The following PITX1 variants were observed in gnomAD, a reference collection of about 807,000 sequenced individuals.
PITX1 encodes paired like homeodomain 1.
In PITX1, 5 loss-of-function variants were observed where a neutral mutation model predicts 24.1. The ratio of observed to expected loss-of-function variants is 0.21; its 90% CI spans 0.11 to 0.44. The LOEUF is 0.44. Among genes scored for constraint, PITX1 ranks in the 20% least tolerant of loss-of-function variants. PITX1 has a pLI of 0.99. For missense variants in PITX1, 401 were observed against 455.4 expected, an observed-to-expected ratio of 0.88 and a Z score of 1.09; for synonymous variants, 213 against 208.9, an observed-to-expected ratio of 1.02 and a Z score of -0.17.
chr5:135,033,683 T>C lies in PITX1; in HGVS notation c.169+30A>G. 6.3e-7 allele frequency: 1 copy of C among 1,590,920 alleles called. No homozygotes were observed. Among genetic ancestry groups the C allele is most frequent in the Non-Finnish European group, 8.5e-7 (1 of 1,175,676 alleles). On this transcript the variant is annotated intron_variant, in intron 1 of 2. Transcript: ENST00000265340. The surrounding 1 kb of genome is among the most constrained non-coding windows in gnomAD (Gnocchi z 5.9). ...CCGTGCTCCGCGCCCGGGTAGGCTC[T>C]GTGCGCGCCGCGCGGGGAACGGCGC... is the stretch of plus-strand genomic sequence containing the variant.
At position 135,033,695 on chromosome 5, in the gene PITX1, G is replaced by C. The variant is rs570928703; in HGVS notation, c.169+18C>G. 2.4e-5 allele frequency: 38 copies of C among 1,593,462 alleles called. No individual in the cohort carries two copies. The highest frequency in any genetic ancestry group is 2.2e-4 in the East Asian group (10 of 44,486). ...CCCGGGTAGGCTCTGTGCGCGCCGC[G>C]CGGGGAACGGCGCTTACCTGGCAGC... On this transcript the variant is annotated intron_variant, in intron 1 of 2. Coordinates refer to ENST00000265340, the MANE Select transcript of PITX1 (RefSeq NM_002653.5). The surrounding 1 kb of genome is among the most constrained non-coding windows in gnomAD (Gnocchi z 5.9).
intron 1 of PITX1, among the ~76,000 whole-genome samples, chr5:135,032,282 C>T (rs897175969): frequency 1.3e-5 from 2 of 152,200 alleles, no homozygotes; most frequent in East Asian, 3.8e-4. Context: ...AGCCAGAAAG[C>T]TCCGTACAAA....
chr5:135,029,519 G>C (rs1437949172), intron 2 of PITX1, among the ~76,000 whole-genome samples, 198 bp from the exon 3 acceptor site: 1 of 152,134 alleles, frequency 6.6e-6, no homozygotes, highest in Non-Finnish European at 1.5e-5. Context: ...TTCTTTTTCC[G>C]ATCTTTATCC....
rs2149562570 is a variant in PITX1, at chr5:135,033,465, A to C, written c.169+248T>G. The C allele has an allele frequency of 1.8e-6, 1 of 549,294 alleles. No individual in the cohort carries two copies. Among genetic ancestry groups the C allele is most frequent in the South Asian group, 2.1e-5 (1 of 47,334 alleles). The allele number at this position is 549,294 out of a possible 1,614,324, so 34.0% of individuals were successfully genotyped here. ...CTGATCAAGAGGGGCTGTCAGTCCA[A>C]CCCTCCAGCTGTAGGCTCGTGCATC... On this transcript the variant is annotated intron_variant, in intron 1 of 2. Transcript: ENST00000265340. The surrounding 1 kb of genome is among the most constrained non-coding windows in gnomAD (Gnocchi z 5.9).
chr5:135,031,594 G>T, intron 1 of PITX1, 86 bp from the exon 2 acceptor site: 1 of 1,117,266 alleles, frequency 9.0e-7, no homozygotes. Flanking sequence ...CTCGCCACCA[G>T]CGCTGGCGGT....
In PITX1 at chr5:135,033,763, C is replaced by T. The variant is rs772499567; in HGVS notation, c.119G>A (p.Arg40His). The T allele has an allele frequency of 1.9e-6, 3 of 1,589,686 alleles. No individual in the cohort carries two copies. In the African/African-American group the frequency reaches 4.1e-5, roughly 22 times the overall value. Residue 40 changes from arginine to histidine, a missense_variant, in exon 1 of 3, where the codon CGC becomes CAC. Physicochemically the swap from Arg to His is conservative, Grantham distance 29. Around this residue, in one of 3 missense-constraint regions of PITX1, gnomAD observed 136 missense variants for 133.3 expected, o/e 1.02. Coordinates refer to ENST00000265340, the MANE Select transcript of PITX1 (RefSeq NM_002653.5). The surrounding 1 kb of genome is among the most constrained non-coding windows in gnomAD (Gnocchi z 5.9). ...AFHLARPADP[R>H]EPLENSASES... is the part of the protein sequence containing the mutation. ...GCTGGCGGAGTTCTCGAGCGGCTCG[C>T]GGGGGTCGGCGGGCCGGGCCAGGTG...
chr5:135,030,580 G>A (rs1010597670), intron 2 of PITX1, among the ~76,000 whole-genome samples: 4 of 152,194 alleles, frequency 2.6e-5, no homozygotes, highest in African/African-American at 7.2e-5. Context: ...GAAACCAAAC[G>A]GGTGAGAAGA....
In PITX1 at chr5:135,028,353, A is replaced by G. The variant is rs1296667250; in HGVS notation, c.*426T>C. ...CCGCAGGCCCGGCCACTCAGTCCGGATCCAGCGCGGCGGGGACGCGGGATA... is the reference window on the plus strand; with the variant it reads ...CCGCAGGCCCGGCCACTCAGTCCGGGTCCAGCGCGGCGGGGACGCGGGATA... On this transcript the variant is annotated 3_prime_UTR_variant, in exon 3 of 3. Transcript: ENST00000265340. The G allele has an allele frequency of 6.5e-6, 1 of 153,044 alleles. No homozygotes were observed. The highest frequency in any genetic ancestry group is 2.4e-5 in the African/African-American group (1 of 41,418). The allele number at this position is 153,044 out of a possible 1,614,324, so 9.5% of individuals were successfully genotyped here.
intron 2 of PITX1, among the ~76,000 whole-genome samples, chr5:135,030,267 C>CA (rs1218057225): frequency 2.6e-5 from 4 of 152,190 alleles, no homozygotes; most frequent in African/African-American, 4.8e-5. Context: ...CCCTGCTTCT[C>CA]AGCTTTCCCT....
intron 1 of PITX1, chr5:135,032,720 AAACC>A (rs781188695): frequency 1.0e-4 from 22 of 218,982 alleles, no homozygotes; most frequent in Middle Eastern, 7.8e-4. Flanking sequence ...TTTAAAAATA[AAACC>A]AACCAAAGAC....
intron 1 of PITX1, 56 bp from the exon 2 acceptor site, chr5:135,031,564 G>T: frequency 7.0e-7 from 1 of 1,431,594 alleles, no homozygotes; most frequent in Non-Finnish European, 9.6e-7. Flanking sequence ...GTTGCACCCC[G>T]TCCCGGCTCC....
At position 135,028,549 on chromosome 5, in the gene PITX1, CTTTTT is replaced by C. The variant is rs70976562; in HGVS notation, c.*225_*229del. On this transcript the variant is annotated 3_prime_UTR_variant, in exon 3 of 3. Transcript: ENST00000265340. ...GGCACTTTTCTCCGACGTCTTTTTG[CTTTTT>C]TTTTTTTTTTTTTTTTTTTGTCTTT... 6.6e-4 allele frequency: 50 copies of C among 76,296 alleles called. No individual in the cohort carries two copies. Among genetic ancestry groups the C allele is most frequent in the African/African-American group, 1.8e-3 (32 of 18,160 alleles). 4.7% of individuals were successfully genotyped at this position (76,296 alleles called of 1,614,324 possible).
At chr5:135,034,476 C>A (rs1202427654), upstream of PITX1, 1 of 152,452 alleles carries the variant, frequency 6.6e-6, no homozygotes, top group Non-Finnish European at 1.5e-5. Context: ...CTCGCCGCGC[C>A]TCTCCCTCCT....
At position 135,028,549 on chromosome 5, in the gene PITX1, CTTTT is replaced by C. The variant is rs70976562; in HGVS notation, c.*226_*229del. The C allele has an allele frequency of 1.3e-3, 98 of 76,286 alleles. 1 individual carries two copies. The highest frequency in any genetic ancestry group is 0.014 in the Middle Eastern group (1 of 70). The allele number at this position is 76,286 out of a possible 1,614,324, so 4.7% of individuals were successfully genotyped here. ...GGCACTTTTCTCCGACGTCTTTTTG[CTTTT>C]TTTTTTTTTTTTTTTTTTTTGTCTT... On this transcript the variant is annotated 3_prime_UTR_variant, in exon 3 of 3. Transcript: ENST00000265340.
rs745731947 is a variant in PITX1 at position 135,031,368 on chromosome 5, G to A, written c.310C>T (p.Leu104=). ...CGGTTCCTCTGGAACGTGGCCTCTAGCTCTTGCAACTGCTGGCTTGTGAAG... is the reference window on the plus strand; with the variant it reads ...CGGTTCCTCTGGAACGTGGCCTCTAACTCTTGCAACTGCTGGCTTGTGAAG... ...THFTSQQLQE[L]EATFQRNRYP... The change falls in exon 2 of 3, where the codon CTA becomes TTA. Residue 104 remains leucine, a synonymous_variant. Transcript: ENST00000265340. The A allele has an allele frequency of 6.2e-7, 1 of 1,613,986 alleles. No individual in the cohort carries two copies. The highest frequency in any genetic ancestry group is 1.3e-5 in the African/African-American group (1 of 74,930).
In PITX1 at chr5:135,033,222, C is replaced by A. The variant is rs1022346285; in HGVS notation, c.169+491G>T. 7 of 306,274 alleles carry A rather than the reference C, an allele frequency of 2.3e-5. No homozygotes were observed. The East Asian group carries it at 7.4e-4, about 32-fold the overall frequency. The allele number at this position is 306,274 out of a possible 1,614,324, so 19.0% of individuals were successfully genotyped here. On this transcript the variant is annotated intron_variant, in intron 1 of 2. Transcript: ENST00000265340. This position sits in a 1 kb window ranked among gnomAD's most constrained non-coding sequence, Gnocchi z 5.9. ...TCTGTGTCTCCCTTCTACTTGATGACCCCTCTCCCCCCGTTTACCCTTCCC... is the reference window on the plus strand; with the variant it reads ...TCTGTGTCTCCCTTCTACTTGATGAACCCTCTCCCCCCGTTTACCCTTCCC...
At chr5:135,030,480 G>A (rs1752429148) in intron 2 of PITX1, among the ~76,000 whole-genome samples, 1 of 152,238 alleles carries the variant, frequency 6.6e-6, no homozygotes, top group Non-Finnish European at 1.5e-5. Flanking sequence ...GTCGACTTGG[G>A]AGGTGCTCCC....
Position 135,033,547 on chromosome 5 carries a change from T to C in PITX1, c.169+166A>G. ...GAAGTGCCTTCGCGTGTGCGTAAGT[T>C]TCCGCGTTCACCGTCAGGTCGAGAA... On this transcript the variant is annotated intron_variant, in intron 1 of 2. Coordinates refer to ENST00000265340, the MANE Select transcript of PITX1 (RefSeq NM_002653.5). The surrounding 1 kb of genome is among the most constrained non-coding windows in gnomAD (Gnocchi z 5.9). 2.8e-6 allele frequency: 2 copies of C among 717,296 alleles called. No homozygotes were observed. The highest frequency in any genetic ancestry group is 4.5e-6 in the Non-Finnish European group (2 of 441,512). 44.4% of individuals were successfully genotyped at this position (717,296 alleles called of 1,614,324 possible). A position where few individuals can be genotyped will look rare whatever the true frequency, so the allele number is the denominator to read the frequency against.
In PITX1 at chr5:135,034,078, C is replaced by T. The variant is rs1752520345; in HGVS notation, c.-197G>A. 5.3e-6 allele frequency: 1 copy of T among 187,588 alleles called. No homozygotes were observed. The highest frequency in any genetic ancestry group is 1.1e-5 in the Non-Finnish European group (1 of 93,014). 11.6% of individuals were successfully genotyped at this position (187,588 alleles called of 1,614,324 possible). ...GGGCGGGCAGAGGCGGCGGCAGCTT[C>T]TCGCGACTGGGCGCCTGGCTCAGCG... On this transcript the variant is annotated 5_prime_UTR_variant, in exon 1 of 3. Transcript: ENST00000265340.
Sources: allele counts gnomAD v4.1 joint callset (sites outside exome capture counted in the v4.1 genomes callset), GRCh38; gene constraint gnomAD v4.1.1; regional missense constraint gnomAD v4.1.1; non-coding constraint Gnocchi (gnomAD v3.1); transcripts MANE v1.5; gene names NCBI Gene and HGNC (gene_info 2026-07-23, HGNC 2026-07-21).